PEF1: variants seen among roughly 807,000 people sequenced by gnomAD.
PEF1 encodes the protein penta-EF-hand domain containing 1.
A neutral mutation model predicts 32.0 loss-of-function variants in PEF1; 17 were observed. The observed-to-expected ratio is 0.53, with a 90% CI of 0.36 to 0.80. The LOEUF (loss-of-function observed/expected upper bound fraction) is 0.80. Ranked by LOEUF, PEF1 falls within the 30% of genes least tolerant of loss-of-function variation. The probability of loss-of-function intolerance (pLI) is 0.00; values close to 1 mark genes in which losing one functional copy is unlikely to be tolerated. For missense variants in PEF1, 362 were observed against 369.1 expected (o/e 0.98, Z 0.16); for synonymous variants, 130 against 139.8 (o/e 0.93, Z 0.50).
intron 1 of PEF1, among the ~76,000 whole-genome samples, chr1:31,638,589 C>T (rs1312216409): frequency 6.6e-6 from 1 of 152,230 alleles, no homozygotes; most frequent in Non-Finnish European, 1.5e-5. Flanking sequence ...AGGAAACATC[C>T]CCAGGCCAAC....
In PEF1 at chr1:31,630,521, G is replaced by A; in HGVS notation, c.*92C>T. Reference sequence around the variant, plus strand: ...AGCAAGGGAGAATGTTCTTCTAGAGGGACAGGAAAAGAAGAGATGTCCACA... The same window carrying A: ...AGCAAGGGAGAATGTTCTTCTAGAGAGACAGGAAAAGAAGAGATGTCCACA... On this transcript the variant is annotated 3_prime_UTR_variant, in exon 5 of 5. Transcript: ENST00000373703. 2 of 1,241,618 alleles carry A rather than the reference G, an allele frequency of 1.6e-6. No individual in the cohort carries two copies. The highest frequency in any genetic ancestry group is 1.1e-6 in the Non-Finnish European group (1 of 870,398). The allele number at this position is 1,241,618 out of a possible 1,614,324, so 76.9% of individuals were successfully genotyped here. A position where few individuals can be genotyped will look rare whatever the true frequency, so the allele number is the denominator to read the frequency against.
chr1:31,637,539 G>A (rs188571145), intron 1 of PEF1, among the ~76,000 whole-genome samples: 58 of 151,712 alleles, frequency 3.8e-4, no homozygotes, highest in Middle Eastern at 3.4e-3. Context: ...CTGCTACTCG[G>A]GAGGCTAAAG....
At chr1:31,633,113 G>A (rs776937159) in intron 3 of PEF1, 46 bp downstream of exon 3, 44 of 1,578,856 alleles carry the variant, frequency 2.8e-5, no homozygotes, top group Non-Finnish European at 6.0e-6. Context: ...TCCACTATCA[G>A]GTGGCTCTGC....
chr1:31,644,580 G>A (rs1244190914), intron 1 of PEF1: 1 of 1,423,750 alleles, frequency 7.0e-7, no homozygotes, highest in African/African-American at 1.4e-5. Context: ...CGCCAGCCTG[G>A]ACCTGTGGGG....
chr1:31,632,307 C>A, intron 4 of PEF1, 188 bp downstream of exon 4: 1 of 1,010,276 alleles, frequency 9.9e-7, no homozygotes. Flanking sequence ...TTTCCTTGCC[C>A]TGGCTCTTGG....
chr1:31,638,378 C>G (rs1640312093), intron 1 of PEF1, among the ~76,000 whole-genome samples: 1 of 152,214 alleles, frequency 6.6e-6, no homozygotes, highest in African/African-American at 2.4e-5. Flanking sequence ...TGCTACAACA[C>G]TCCTTCATTA....
chr1:31,636,816 G>A (rs1640265267), intron 1 of PEF1, among the ~76,000 whole-genome samples: 2 of 152,198 alleles, frequency 1.3e-5, no homozygotes, highest in Admixed American at 1.3e-4. Context: ...GGGCATTTGT[G>A]CATTAGAGCA....
intron 1 of PEF1, among the ~76,000 whole-genome samples, chr1:31,641,470 A>G (rs1640388927): frequency 6.6e-6 from 1 of 152,046 alleles, no homozygotes; most frequent in South Asian, 2.1e-4. Flanking sequence ...ACTCCCCAAA[A>G]AGGCATACAA....
Position 31,635,295 on chromosome 1 carries a change from T to C in PEF1, c.252A>G (p.Ala84=). Residue 84 remains alanine (A), a synonymous_variant, in exon 2 of 5, where the codon GCA becomes GCG. Transcript: ENST00000373703. Reference sequence around the variant, plus strand: ...GCTGACCATAGGGGCCCCCGGGAGCTGCACCGCCATATGGTCCTCCTGGAG... The same window carrying C: ...GCTGACCATAGGGGCCCCCGGGAGCCGCACCGCCATATGGTCCTCCTGGAG... ...SGTPGGPYGG[A]APGGPYGQPP... 1.2e-6 allele frequency: 2 copies of C among 1,614,118 alleles called. No individual in the cohort carries two copies.
chr1:31,642,687 T>C (rs1470097021), intron 1 of PEF1, among the ~76,000 whole-genome samples: 1 of 152,184 alleles, frequency 6.6e-6, no homozygotes, highest in Non-Finnish European at 1.5e-5. Context: ...TGTGCTCCTT[T>C]TCAGTATTTC....
At chr1:31,644,585 G>A in intron 1 of PEF1, 1 of 1,425,988 alleles carries the variant, frequency 7.0e-7, no homozygotes, top group Non-Finnish European at 9.1e-7. Context: ...GCCTGGACCT[G>A]TGGGGTCCAA....
At chr1:31,632,251 T>C in intron 4 of PEF1, 2 of 685,288 alleles carry the variant, frequency 2.9e-6, no homozygotes, top group Admixed American at 2.2e-5. Flanking sequence ...GCTGGGGCCG[T>C]CTCACCCAGC....
rs757941138 is a variant in PEF1 at position 31,630,615 on chromosome 1, A to AT, written c.852dup (p.Ter285MetfsTer19). 3.1e-6 allele frequency: 5 copies of AT among 1,612,240 alleles called. No individual in the cohort carries two copies. The Admixed American group carries it at 8.3e-5, about 27-fold the overall frequency. On this transcript the variant is annotated frameshift_variant, in exon 5 of 5. Coordinates refer to ENST00000373703, the MANE Select transcript of PEF1 (RefSeq NM_012392.4). LOFTEE classifies it high-confidence loss of function. ...TCCACTCTCCACAGATGGTTGGGTC[A>AT]TAGCATCCGAGAAGCTGTCATGGTG...
In PEF1 at chr1:31,630,553, T is replaced by G; in HGVS notation, c.*60A>C. On this transcript the variant is annotated 3_prime_UTR_variant, in exon 5 of 5. Transcript: ENST00000373703. Reference sequence around the variant, plus strand: ...AAAAGAAGAGATGTCCACATACTTCTCTCACTCTAAGAAGCCAGGAAAGGT... The same window carrying G: ...AAAAGAAGAGATGTCCACATACTTCGCTCACTCTAAGAAGCCAGGAAAGGT... 1 of 1,479,716 alleles carries G rather than the reference T, an allele frequency of 6.8e-7. No individual in the cohort carries two copies. Among genetic ancestry groups the G allele is most frequent in the Non-Finnish European group, 9.4e-7 (1 of 1,066,104 alleles). 91.7% of individuals were successfully genotyped at this position (1,479,716 alleles called of 1,614,324 possible).
At chr1:31,635,109 A>G in intron 2 of PEF1, 113 bp downstream of exon 2, 2 of 1,303,258 alleles carry the variant, frequency 1.5e-6, no homozygotes, top group Admixed American at 3.8e-5. Flanking sequence ...TGGAAGCAAG[A>G]TGCTAAGGTG....
At chr1:31,640,986 G>T (rs1205077683) in intron 1 of PEF1, among the ~76,000 whole-genome samples, 1 of 152,154 alleles carries the variant, frequency 6.6e-6, no homozygotes, top group Non-Finnish European at 1.5e-5. Context: ...AAGAGGAACA[G>T]TTCAAGCATT....
At chr1:31,644,739 C>A in intron 1 of PEF1, 102 bp downstream of exon 1, 1 of 1,597,552 alleles carries the variant, frequency 6.3e-7, no homozygotes, top group Non-Finnish European at 8.5e-7. Context: ...GCGAACCCAT[C>A]GTGGGAAGGG....
chr1:31,642,114 T>G (rs1330958200), intron 1 of PEF1, among the ~76,000 whole-genome samples: 1 of 152,218 alleles, frequency 6.6e-6, no homozygotes, highest in Non-Finnish European at 1.5e-5. Flanking sequence ...GCGCCTGTAA[T>G]TCCAGCTACT....
At chr1:31,644,594 A>G (rs1640500947) in intron 1 of PEF1, 1 of 1,432,296 alleles carries the variant, frequency 7.0e-7, no homozygotes, top group Admixed American at 2.8e-5. Context: ...TGTGGGGTCC[A>G]AGGTCCCCAA....
Sources: gnomAD v4.1 joint callset for allele counts (sites outside exome capture counted in the v4.1 genomes callset) on GRCh38, gnomAD v4.1.1 for gene constraint, MANE v1.5 for transcripts, NCBI Gene and HGNC (gene_info 2026-07-23, HGNC 2026-07-21) for gene names.